Variants in DPYD observed in about 807,000 individuals in gnomAD.
The protein encoded by DPYD is dihydropyrimidine dehydrogenase [NADP(+)].
Under a neutral mutation model 116.2 loss-of-function variants are expected in DPYD, and 109 were observed. That is an observed-to-expected ratio of 0.94 (90% CI 0.80 to 1.10). DPYD has a LOEUF of 1.10. Ranked by LOEUF, DPYD falls within the 50% of genes least tolerant of loss-of-function variation. The probability of loss-of-function intolerance (pLI) is 0.00; values close to 1 mark genes in which losing one functional copy is unlikely to be tolerated. For synonymous variants in DPYD, 440 were observed against 432.0 expected (o/e 1.02, Z -0.23); for missense variants, 1,302 against 1,254.5 (o/e 1.04, Z -0.57).
At chr1:97,616,227 C>T (rs919813976) in intron 8 of DPYD, among the ~76,000 whole-genome samples, 2 of 151,892 alleles carry the variant, frequency 1.3e-5, no homozygotes, top group African/African-American at 4.8e-5. Flanking sequence ...ACTAGGTATT[C>T]AATTAATGTT....
intron 4 of DPYD, among the ~76,000 whole-genome samples, 154 bp from the exon 5 acceptor site, chr1:97,721,825 C>T (rs1256485351): frequency 6.6e-6 from 1 of 151,580 alleles, no homozygotes; most frequent in Non-Finnish European, 1.5e-5. Flanking sequence ...CAGGAACCAT[C>T]AATTAAAACT....
intron 8 of DPYD, among the ~76,000 whole-genome samples, chr1:97,657,305 C>T (rs1468133448): frequency 2.0e-5 from 3 of 151,928 alleles, no homozygotes; most frequent in African/African-American, 7.3e-5. Flanking sequence ...AATTAGCCTG[C>T]CAGTAAGCAA....
rs138112060 is a variant in DPYD, at chr1:97,233,558, G to C, written c.2442+1294C>G. ...ATGGAATATTTATCCGTGGTGTTGG[G>C]TGGAGCAGGGAAGTTATGTCTAAAA... is the stretch of plus-strand genomic sequence containing the variant. On this transcript the variant is annotated intron_variant, in intron 19 of 22. Transcript: ENST00000370192. Among the ~76,000 whole-genome samples the C allele has an allele frequency of 9.1e-4, 138 of 152,242 alleles. 1 individual carries two copies. In the East Asian group the frequency reaches 0.021, roughly 23 times the overall value.
intron 14 of DPYD, among the ~76,000 whole-genome samples, chr1:97,389,427 T>C (rs1024336598): frequency 1.5e-5 from 2 of 136,922 alleles, no homozygotes; most frequent in African/African-American, 5.4e-5. Flanking sequence ...TTATGAAAAA[T>C]ATGATTAGTA....
chr1:97,720,850 C>T (rs754473769), intron 5 of DPYD: 32 of 1,604,304 alleles, frequency 2.0e-5, no homozygotes, highest in Middle Eastern at 1.7e-4. Flanking sequence ...AAATAGGAGA[C>T]GTCAGAGAGC....
At chr1:97,670,475 G>C (rs1464296445) in intron 8 of DPYD, among the ~76,000 whole-genome samples, 1 of 152,134 alleles carries the variant, frequency 6.6e-6, no homozygotes, top group East Asian at 1.9e-4. Context: ...CCAAGGAAAG[G>C]CCATAGGAAC....
intron 14 of DPYD, among the ~76,000 whole-genome samples, chr1:97,434,300 A>G (rs1031629895): frequency 2.2e-4 from 33 of 152,104 alleles, no homozygotes; most frequent in African/African-American, 7.7e-4. Context: ...TTAATGCTCT[A>G]GGCATTTTAA....
intron 3 of DPYD, among the ~76,000 whole-genome samples, chr1:97,800,456 G>C (rs1376679775): frequency 6.6e-6 from 1 of 151,856 alleles, no homozygotes. Flanking sequence ...TCTAACCTCT[G>C]TCACAGATCG....
chr1:97,497,538 T>C (rs1484926048), intron 13 of DPYD, among the ~76,000 whole-genome samples: 1 of 151,876 alleles, frequency 6.6e-6, no homozygotes, highest in Admixed American at 6.6e-5. Context: ...ACAATGATTG[T>C]TAATAAGAAT....
chr1:97,270,435 A>AAC (rs1054398512), intron 18 of DPYD, among the ~76,000 whole-genome samples: 1 of 152,136 alleles, frequency 6.6e-6, no homozygotes, highest in Non-Finnish European at 1.5e-5. Flanking sequence ...ATCTAATTAA[A>AAC]ACACACACAC....
At chr1:97,463,649 T>C (rs1677143382) in intron 13 of DPYD, among the ~76,000 whole-genome samples, 3 of 152,124 alleles carry the variant, frequency 2.0e-5, no homozygotes, top group Non-Finnish European at 4.4e-5. Context: ...ACTTGTTGAA[T>C]AGCTTTGACA....
chr1:97,325,935 C>T (rs983648477), intron 16 of DPYD, among the ~76,000 whole-genome samples: 1 of 151,700 alleles, frequency 6.6e-6, no homozygotes, highest in South Asian at 2.1e-4. Context: ...AGATTTTGTG[C>T]CTTATCCTTT....
intron 2 of DPYD, among the ~76,000 whole-genome samples, chr1:97,876,762 G>C (rs1453371989): frequency 1.3e-5 from 2 of 151,968 alleles, no homozygotes; most frequent in African/African-American, 4.8e-5. Context: ...AGAAACAAAG[G>C]GTGTTTCTTT....
In DPYD at chr1:97,292,722, G is replaced by GCGCGCACA. The variant is rs374911665; in HGVS notation, c.2299+12536_2299+12537insTGTGCGCG. Among the ~76,000 whole-genome samples the GCGCGCACA allele has an allele frequency of 2.0e-5, 3 of 149,936 alleles. No individual in the cohort carries two copies. In the East Asian group the frequency reaches 6.0e-4, roughly 30 times the overall value. On this transcript the variant is annotated intron_variant, in intron 18 of 22. Coordinates refer to ENST00000370192, the MANE Select transcript of DPYD (RefSeq NM_000110.4). ...CGTGCACGCGCGCGCACACGCGCGA[G>GCGCGCACA]CACACACACACACACACACACACAC...
chr1:97,231,334 T>C (rs1661576769), intron 19 of DPYD, among the ~76,000 whole-genome samples: 6 of 152,176 alleles, frequency 3.9e-5, no homozygotes, highest in Admixed American at 3.3e-4. Context: ...CTGGCTCCAT[T>C]GCTAGTCATG....
chr1:97,104,036 C>T (rs1025114759), intron 20 of DPYD, among the ~76,000 whole-genome samples: 3 of 152,010 alleles, frequency 2.0e-5, no homozygotes, highest in Admixed American at 6.6e-5. Context: ...TCTCCTTTAC[C>T]GATTACCCTC....
chr1:97,913,735 C>T (rs997906526), intron 1 of DPYD, among the ~76,000 whole-genome samples: 1 of 151,820 alleles, frequency 6.6e-6, no homozygotes, highest in Non-Finnish European at 1.5e-5. Flanking sequence ...TGTGTAGGTA[C>T]ACTGAGTTGT....
At chr1:97,838,574 G>A (rs1033983437) in intron 2 of DPYD, among the ~76,000 whole-genome samples, 2 of 152,152 alleles carry the variant, frequency 1.3e-5, no homozygotes, top group African/African-American at 2.4e-5. Flanking sequence ...GGCCGGGCGC[G>A]GTGGCTCACG....
intron 19 of DPYD, among the ~76,000 whole-genome samples, chr1:97,204,344 A>C (rs1231095188): frequency 6.6e-6 from 1 of 152,172 alleles, no homozygotes; most frequent in Non-Finnish European, 1.5e-5. Flanking sequence ...AAGGCCAAGA[A>C]CCTAAAAGTA....
Sources: allele counts gnomAD v4.1 joint callset (sites outside exome capture counted in the v4.1 genomes callset), GRCh38; gene constraint gnomAD v4.1.1; transcripts MANE v1.5; gene names NCBI Gene and HGNC (gene_info 2026-07-23, HGNC 2026-07-21).